Variants in SMAP1 observed in about 807,000 individuals in gnomAD.
SMAP1 encodes stromal membrane-associated protein 1.
Under a neutral mutation model 58.5 loss-of-function variants are expected in SMAP1, and 24 were observed. That is an observed-to-expected ratio of 0.41 (90% confidence interval 0.30 to 0.58). SMAP1 has a LOEUF of 0.58. Ranked by LOEUF, SMAP1 falls within the 20% of genes least tolerant of loss-of-function variation. The pLI, the probability that SMAP1 is intolerant of heterozygous loss-of-function variation, is 0.29. For missense variants in SMAP1, 563 were observed against 566.3 expected, an observed-to-expected ratio of 0.99 and a Z score of 0.06; for synonymous variants, 216 against 196.6, an observed-to-expected ratio of 1.10 and a Z score of -0.82.
chr6:70,735,715 GC>G (rs1765593380), intron 2 of SMAP1, among the ~76,000 whole-genome samples: 1 of 152,190 alleles, frequency 6.6e-6, no homozygotes, highest in Admixed American at 6.5e-5. Flanking sequence ...CTTGCAGTAA[GC>G]CAAGATCCTG....
chr6:70,728,937 A>G (rs1001410147), intron 1 of SMAP1, among the ~76,000 whole-genome samples: 12 of 152,190 alleles, frequency 7.9e-5, no homozygotes, highest in Non-Finnish European at 1.6e-4. Context: ...CAGTTACCAC[A>G]TCCAGATGTT....
chr6:70,779,360 C>T (rs1045604876), intron 4 of SMAP1, among the ~76,000 whole-genome samples: 18 of 152,116 alleles, frequency 1.2e-4, no homozygotes, highest in Admixed American at 4.6e-4. Flanking sequence ...CTAGTGTTGG[C>T]GGTACTGTCA....
chr6:70,782,194 A>C (rs1394325435), intron 4 of SMAP1, among the ~76,000 whole-genome samples: 1 of 152,218 alleles, frequency 6.6e-6, no homozygotes. Context: ...AATGGAATTA[A>C]TATCTGTTAC....
intron 2 of SMAP1, among the ~76,000 whole-genome samples, chr6:70,750,834 A>T (rs573165706): frequency 6.6e-6 from 1 of 152,346 alleles, no homozygotes; most frequent in Admixed American, 6.5e-5. Context: ...GTAAGTTTGG[A>T]TGAAGATGAG....
At chr6:70,825,928 C>A (rs1298067186) in intron 6 of SMAP1, among the ~76,000 whole-genome samples, 1 of 152,216 alleles carries the variant, frequency 6.6e-6, no homozygotes, top group Non-Finnish European at 1.5e-5. Context: ...CACTGGTCCA[C>A]ACTGAACCAG....
chr6:70,690,622 C>T (rs1380066661), intron 1 of SMAP1, among the ~76,000 whole-genome samples: 2 of 151,536 alleles, frequency 1.3e-5, no homozygotes, highest in African/African-American at 4.8e-5. Context: ...ATATATTGAA[C>T]TACATTGATT....
At chr6:70,690,376 G>A (rs374347102) in intron 1 of SMAP1, among the ~76,000 whole-genome samples, 16 of 151,736 alleles carry the variant, frequency 1.1e-4, no homozygotes, top group African/African-American at 3.4e-4. Flanking sequence ...GTGCGATCTC[G>A]GCTCACTGCA....
At position 70,860,955 on chromosome 6, in the gene SMAP1, T is replaced by C. The variant is rs1771695642; in HGVS notation, c.*621T>C. On this transcript the variant is annotated 3_prime_UTR_variant, in exon 11 of 11. Coordinates refer to ENST00000370455, the MANE Select transcript of SMAP1 (RefSeq NM_001044305.3). Reference sequence around the variant, plus strand: ...AGAATTCAAATTTTATCTGCCTCTCTTGTAATTTGGATCTCTTCTTAATGT... The same window carrying C: ...AGAATTCAAATTTTATCTGCCTCTCCTGTAATTTGGATCTCTTCTTAATGT... The C allele has an allele frequency of 2.8e-6, 1 of 355,852 alleles. No homozygotes were observed. Among genetic ancestry groups the C allele is most frequent in the Non-Finnish European group, 5.0e-6 (1 of 198,786 alleles). 22.0% of individuals were successfully genotyped at this position (355,852 alleles called of 1,614,324 possible).
intron 1 of SMAP1, among the ~76,000 whole-genome samples, chr6:70,695,994 T>C (rs1173988377): frequency 1.3e-5 from 2 of 152,220 alleles, no homozygotes; most frequent in Non-Finnish European, 2.9e-5. Context: ...TCTTTGTGGT[T>C]TAATTTTGGT....
In SMAP1 at chr6:70,772,276, G is replaced by A. The variant is rs147145719; in HGVS notation, c.339-1074G>A. Reference sequence around the variant, plus strand: ...GGTCTGTCATCCCTTTCTATTACCTGTTGCCTCAACTGTCATTTTAAAAGG... The same window carrying A: ...GGTCTGTCATCCCTTTCTATTACCTATTGCCTCAACTGTCATTTTAAAAGG... On this transcript the variant is annotated intron_variant, in intron 3 of 10. Transcript: ENST00000370455. Among the ~76,000 whole-genome samples, 1,300 of 152,184 alleles carry A rather than the reference G, an allele frequency of 8.5e-3. 16 individuals carry two copies. Among genetic ancestry groups the A allele is most frequent in the Middle Eastern group, 0.075 (22 of 294 alleles).
At chr6:70,715,608 C>T (rs530735050) in intron 1 of SMAP1, among the ~76,000 whole-genome samples, 1 of 152,242 alleles carries the variant, frequency 6.6e-6, no homozygotes, top group African/African-American at 2.4e-5. Flanking sequence ...TTTTTTGGCA[C>T]CAGCGACTGG....
At position 70,810,294 on chromosome 6, in the gene SMAP1, C is replaced by T. The variant is rs562670348; in HGVS notation, c.576+11557C>T. ...GACTAGCTGGGACTGCAGGCATACA[C>T]CAATGTGCCTGTCTCTCCTAGTAGG... On this transcript the variant is annotated intron_variant, in intron 6 of 10. Transcript: ENST00000370455. Among the ~76,000 whole-genome samples the T allele has an allele frequency of 4.6e-5, 7 of 152,250 alleles. No individual in the cohort carries two copies. In the East Asian group the frequency reaches 9.6e-4, roughly 21 times the overall value.
chr6:70,739,121 G>A lies in SMAP1; in HGVS notation c.252+6610G>A, dbSNP rs1294364549. ...TTTAAATTTTACATGAGATGTGCAA[G>A]TTTGTTTTACTTAGAGCGGATTCCA... On this transcript the variant is annotated intron_variant, in intron 2 of 10. Coordinates refer to ENST00000370455, the MANE Select transcript of SMAP1 (RefSeq NM_001044305.3). 2.0e-5 allele frequency among the ~76,000 whole-genome samples: 3 copies of A among 152,170 alleles called. No individual in the cohort carries two copies. The East Asian group carries it at 5.8e-4, about 29-fold the overall frequency.
At chr6:70,769,028 C>T (rs1582146355) in intron 3 of SMAP1, among the ~76,000 whole-genome samples, 1 of 152,132 alleles carries the variant, frequency 6.6e-6, no homozygotes, top group Non-Finnish European at 1.5e-5. Flanking sequence ...CATTCAGGAG[C>T]AGGTTGTTCA....
In SMAP1 at chr6:70,801,518, A is replaced by G. The variant is rs1344556567; in HGVS notation, c.576+2781A>G. Among the ~76,000 whole-genome samples the G allele has an allele frequency of 9.9e-5, 15 of 152,162 alleles. 1 individual carries two copies. Among genetic ancestry groups the G allele is most frequent in the Admixed American group, 9.8e-4 (15 of 15,278 alleles). On this transcript the variant is annotated intron_variant, in intron 6 of 10. Coordinates refer to ENST00000370455, the MANE Select transcript of SMAP1 (RefSeq NM_001044305.3). Reference sequence around the variant, plus strand: ...TGCCATGCAGAAGCTTTTTAGTTTAATTAGATTCCGTTTGTCATTTTTGGC... The same window carrying G: ...TGCCATGCAGAAGCTTTTTAGTTTAGTTAGATTCCGTTTGTCATTTTTGGC...
intron 3 of SMAP1, among the ~76,000 whole-genome samples, chr6:70,757,864 G>GA (rs1220830124): frequency 2.6e-5 from 4 of 151,736 alleles, no homozygotes; most frequent in Non-Finnish European, 4.4e-5. Context: ...AAAAAGTCAG[G>GA]AAACAACAGG....
chr6:70,834,853 T>C (rs1486588686), intron 6 of SMAP1, among the ~76,000 whole-genome samples: 2 of 152,176 alleles, frequency 1.3e-5, no homozygotes, highest in Non-Finnish European at 2.9e-5. Context: ...GAACCTGTAT[T>C]AGAGGTTGAA....
intron 1 of SMAP1, among the ~76,000 whole-genome samples, chr6:70,681,366 G>A (rs901661097): frequency 6.6e-6 from 1 of 152,318 alleles, no homozygotes; most frequent in East Asian, 1.9e-4. Flanking sequence ...GGTCAAGGCT[G>A]CAGTGAGCCG....
intron 6 of SMAP1, among the ~76,000 whole-genome samples, chr6:70,825,889 A>G (rs533888800): frequency 2.6e-5 from 4 of 152,290 alleles, no homozygotes; most frequent in African/African-American, 9.6e-5. Context: ...TGTGCCCCAG[A>G]AAACTTCTAT....
Sources: gnomAD v4.1 joint callset for allele counts (sites outside exome capture counted in the v4.1 genomes callset) on GRCh38, gnomAD v4.1.1 for gene constraint, MANE v1.5 for transcripts, NCBI Gene and HGNC (gene_info 2026-07-23, HGNC 2026-07-21) for gene names.